Variants in CPM observed in about 807,000 individuals in gnomAD.
CPM encodes the protein renal carboxypeptidase.
In CPM, 35 loss-of-function variants were observed where a neutral mutation model predicts 46.4. That is an observed-to-expected ratio of 0.75 (90% CI 0.58 to 1.00). The LOEUF (loss-of-function observed/expected upper bound fraction) is 1.00. CPM is among the 50% of genes least tolerant of loss of function. The pLI, the probability that CPM is intolerant of heterozygous loss-of-function variation, is 0.00. For synonymous variants in CPM, 195 were observed against 195.3 expected, an observed-to-expected ratio of 1.00 and a Z score of 0.01; for missense variants, 422 against 530.4, an observed-to-expected ratio of 0.80 and a Z score of 2.01.
chr12:68,907,314 G>A (rs928747636), intron 2 of CPM, among the ~76,000 whole-genome samples: 6 of 152,258 alleles, frequency 3.9e-5, no homozygotes, highest in Admixed American at 2.6e-4. Context: ...GTGATTCTGC[G>A]AACCTGGAGC....
intron 4 of CPM, among the ~76,000 whole-genome samples, chr12:68,871,192 T>G (rs551777392): frequency 2.6e-5 from 4 of 152,244 alleles, no homozygotes; most frequent in Non-Finnish European, 4.4e-5. Flanking sequence ...CTTGGACTAC[T>G]GGCCTAATAA....
At chr12:68,882,024 C>CTGTTTTTTTTTTTTT (rs61409146) in intron 3 of CPM, among the ~76,000 whole-genome samples, 1 of 124,766 alleles carries the variant, frequency 8.0e-6, no homozygotes, top group Non-Finnish European at 1.7e-5. Flanking sequence ...GCCCGGCCTG[C>CTGTTTTTTTTTTTTT]TTTTTTTTTT....
intron 1 of CPM, among the ~76,000 whole-genome samples, chr12:68,959,196 G>C (rs1889073439): frequency 6.6e-6 from 1 of 152,158 alleles, no homozygotes; most frequent in Non-Finnish European, 1.5e-5. Context: ...TTGCATCCCA[G>C]CACCCACAGC....
At position 68,870,359 on chromosome 12, in the gene CPM, C is replaced by T. The variant is rs747472128; in HGVS notation, c.472G>A (p.Asp158Asn). Residue 158 changes from aspartate (D) to asparagine (N), a missense_variant, in exon 5 of 9, where the codon GAT becomes AAT. Transcript: ENST00000551568. Reference sequence around the variant, plus strand: ...GAGACATTATTATATTCAAAAGCATCGGGGAAATTTCGATTCAAGTCATAC... The same window carrying T: ...GAGACATTATTATATTCAAAAGCATTGGGGAAATTTCGATTCAAGTCATAC... ...NQYDLNRNFP[D>N]AFEYNNVSRQ... The T allele has an allele frequency of 1.4e-5, 23 of 1,614,056 alleles. No homozygotes were observed. Among genetic ancestry groups the T allele is most frequent in the South Asian group, 3.3e-5 (3 of 91,050 alleles).
intron 5 of CPM, 147 bp downstream of exon 5, chr12:68,870,068 G>T: frequency 1.3e-6 from 1 of 747,332 alleles, no homozygotes; most frequent in Non-Finnish European, 2.1e-6. Flanking sequence ...ATCACAGGAA[G>T]GATGGCTAGA....
chr12:68,851,666 T>C lies in CPM; in HGVS notation c.*4771A>G, dbSNP rs1884692869. 6.6e-6 allele frequency: 1 copy of C among 151,300 alleles called. No individual in the cohort carries two copies. The highest frequency in any genetic ancestry group is 1.5e-5 in the Non-Finnish European group (1 of 67,810). The allele number at this position is 151,300 out of a possible 1,614,324, so 9.4% of individuals were successfully genotyped here. ...CCAGGAAAACTGGTAAGATCAGCTA[T>C]AAAACATCTATAAAAGGCAATGGAG... On this transcript the variant is annotated 3_prime_UTR_variant, in exon 9 of 9. Transcript: ENST00000551568.
At chr12:68,958,258 A>C (rs936709910) in intron 1 of CPM, among the ~76,000 whole-genome samples, 2 of 152,170 alleles carry the variant, frequency 1.3e-5, no homozygotes, top group African/African-American at 4.8e-5. Context: ...ATCCTTGAGG[A>C]ATTGCCACAC....
At chr12:68,880,901 G>C (rs1034864252) in intron 3 of CPM, among the ~76,000 whole-genome samples, 5 of 152,200 alleles carry the variant, frequency 3.3e-5, no homozygotes, top group African/African-American at 1.2e-4. Context: ...GAAAGCATGT[G>C]AGACAATGGA....
chr12:68,950,605 G>C (rs1251184408), intron 1 of CPM, among the ~76,000 whole-genome samples: 1 of 152,202 alleles, frequency 6.6e-6, no homozygotes, highest in East Asian at 1.9e-4. Context: ...TAGAGCCACT[G>C]TAGCTCACAT....
At chr12:68,945,842 CTTTCTTTTTTTTTTT>C (rs1888837169) in intron 1 of CPM, among the ~76,000 whole-genome samples, 2 of 126,324 alleles carry the variant, frequency 1.6e-5, no homozygotes, top group African/African-American at 6.1e-5. Context: ...TCTTTTCTTT[CTTTCTTTTTTTTTTT>C]TTTTTTTTTT....
At chr12:68,858,877 G>A in intron 8 of CPM, 46 bp downstream of exon 8, 2 of 1,194,026 alleles carry the variant, frequency 1.7e-6, no homozygotes, top group East Asian at 2.8e-5. Flanking sequence ...TAAGTATTAT[G>A]AGTTCTATAA....
intron 7 of CPM, among the ~76,000 whole-genome samples, chr12:68,862,019 T>A (rs1402437554): frequency 4.3e-5 from 4 of 92,428 alleles, no homozygotes; most frequent in Admixed American, 4.2e-4. Flanking sequence ...TTTGACTTTT[T>A]TGACAGTCAC....
Position 68,869,337 on chromosome 12 carries a change from A to G in CPM, c.775T>C (p.Tyr259His). The G allele has an allele frequency of 6.2e-7, 1 of 1,613,514 alleles. No individual in the cohort carries two copies. The highest frequency in any genetic ancestry group is 8.5e-7 in the Non-Finnish European group (1 of 1,179,852). The stretch of plus-strand genomic sequence containing the variant: ...AAGAGAAACTCACCTTGGAGTGGAT[A>G]CCAAGAGTATCCATTTGTAACACCA... ...PNGVTNGYSWYPLQGGMQDYN... is the reference protein window; with the variant it reads ...PNGVTNGYSWHPLQGGMQDYN... The change falls in exon 6 of 9, where the codon TAT (tyrosine) becomes CAT (histidine). Residue 259 changes from tyrosine (Y) to histidine (H), a missense_variant. Transcript: ENST00000551568.
At chr12:68,940,734 A>C (rs529467444) in intron 1 of CPM, among the ~76,000 whole-genome samples, 1 of 152,126 alleles carries the variant, frequency 6.6e-6, no homozygotes, top group South Asian at 2.1e-4. Flanking sequence ...AACAACAAGA[A>C]GAGAACACCT....
intron 1 of CPM, among the ~76,000 whole-genome samples, chr12:68,946,475 T>A (rs1053422156): frequency 5.3e-5 from 8 of 152,214 alleles, no homozygotes; most frequent in African/African-American, 1.7e-4. Flanking sequence ...CTGTATGAAT[T>A]GAATGAATTC....
intron 1 of CPM, among the ~76,000 whole-genome samples, chr12:68,943,894 T>C (rs1888802854): frequency 6.6e-6 from 1 of 152,100 alleles, no homozygotes; most frequent in South Asian, 2.1e-4. Flanking sequence ...AACTGTATAT[T>C]TGAGAAAGAA....
chr12:68,927,817 A>G (rs1377727969), intron 2 of CPM, among the ~76,000 whole-genome samples: 3 of 152,208 alleles, frequency 2.0e-5, no homozygotes, highest in East Asian at 1.9e-4. Flanking sequence ...TACAAGGGAC[A>G]TGAAGGGCCT....
At chr12:68,879,538 AT>A (rs1009428379) in intron 3 of CPM, among the ~76,000 whole-genome samples, 7 of 151,156 alleles carry the variant, frequency 4.6e-5, no homozygotes, top group African/African-American at 9.7e-5. Flanking sequence ...TAATTTTTAA[AT>A]TTTTTTTTAG....
Position 68,870,253 on chromosome 12 carries a change from G to A in CPM, c.578C>T (p.Ala193Val), listed in dbSNP as rs1424897458. 2 of 1,614,084 alleles carry A rather than the reference G, an allele frequency of 1.2e-6. No individual in the cohort carries two copies. The highest frequency in any genetic ancestry group is 1.3e-5 in the African/African-American group (1 of 75,038). The change falls in exon 5 of 9, where the codon GCC (alanine) becomes GTC (valine). Residue 193 changes from alanine to valine, a missense_variant. Coordinates refer to ENST00000551568, the MANE Select transcript of CPM (RefSeq NM_198320.5). ...FVLSANLHGG[A>V]LVASYPFDNG... ...ATCAAATGGGTAACTGGCCACGAGG[G>A]CACCACCATGGAGGTTTGCAGAGAG...
Sources: gnomAD v4.1 joint callset for allele counts (sites outside exome capture counted in the v4.1 genomes callset) on GRCh38, gnomAD v4.1.1 for gene constraint, MANE v1.5 for transcripts, NCBI Gene and HGNC (gene_info 2026-07-23, HGNC 2026-07-21) for gene names.